KDM2A: variants seen among roughly 807,000 people sequenced by gnomAD.
The protein encoded by KDM2A is lysine-specific demethylase 2A.
A neutral mutation model predicts 137.3 loss-of-function variants in KDM2A; 3 were observed. The ratio of observed to expected loss-of-function variants is 0.02; its 90% CI spans 0.01 to 0.06. The LOEUF (loss-of-function observed/expected upper bound fraction) is 0.06. KDM2A is among the 10% of genes least tolerant of loss of function. The pLI, the probability that KDM2A is intolerant of heterozygous loss-of-function variation, is 1.00. For missense variants in KDM2A, 738 were observed against 1,510.6 expected (o/e 0.49, Z 8.48); for synonymous variants, 512 against 541.5 (o/e 0.95, Z 0.76).
chr11:67,176,924 AAC>A (rs1856983114), intron 2 of KDM2A, among the ~76,000 whole-genome samples: 1 of 152,142 alleles, frequency 6.6e-6, no homozygotes, highest in South Asian at 2.1e-4. Context: ...AGATTTTATG[AAC>A]AGTGTTTTAT....
intron 2 of KDM2A, among the ~76,000 whole-genome samples, chr11:67,155,709 C>T (rs959750800): frequency 6.6e-6 from 1 of 151,104 alleles, no homozygotes; most frequent in South Asian, 2.1e-4. Flanking sequence ...CTCTGTCTCC[C>T]GGGTTCAAGC....
chr11:67,181,175 GC>G, intron 3 of KDM2A, 144 bp from the exon 4 acceptor site: 1 of 458,932 alleles, frequency 2.2e-6, no homozygotes, highest in Non-Finnish European at 3.8e-6. Flanking sequence ...TTCTTACTAA[GC>G]ATATATTTTA....
At chr11:67,137,807 C>CT (rs1284946655) in intron 2 of KDM2A, among the ~76,000 whole-genome samples, 2 of 151,846 alleles carry the variant, frequency 1.3e-5, no homozygotes, top group Admixed American at 1.3e-4. Context: ...ATGATTGGGT[C>CT]TTTTTTTGAG....
chr11:67,153,301 A>T (rs1007705755), intron 2 of KDM2A, among the ~76,000 whole-genome samples: 1 of 152,028 alleles, frequency 6.6e-6, no homozygotes, highest in East Asian at 1.9e-4. Flanking sequence ...CTTAATATGC[A>T]TGTTTACAAG....
At chr11:67,229,489 T>C (rs1401687057) in intron 11 of KDM2A, among the ~76,000 whole-genome samples, 1 of 152,250 alleles carries the variant, frequency 6.6e-6, no homozygotes, top group African/African-American at 2.4e-5. Flanking sequence ...CATGTTCTTA[T>C]GGAATCTTTA....
chr11:67,208,194 C>T lies in KDM2A; in HGVS notation c.486+506C>T, dbSNP rs368429388. On this transcript the variant is annotated intron_variant, in intron 6 of 20. Transcript: ENST00000529006. ...TTTTGATAAGAATAACTGCATTTTC[C>T]GAAATCATAATAAATTTTAAAATTT... is the stretch of plus-strand genomic sequence containing the variant. Among the ~76,000 whole-genome samples the T allele has an allele frequency of 3.0e-4, 46 of 151,218 alleles. No individual in the cohort carries two copies. The East Asian group carries it at 4.6e-3, about 15-fold the overall frequency.
chr11:67,120,266 G>T (rs974017398), intron 1 of KDM2A, among the ~76,000 whole-genome samples: 1 of 152,162 alleles, frequency 6.6e-6, no homozygotes, highest in African/African-American at 2.4e-5. Context: ...TTTCCCTCCC[G>T]ACTTCGGGCC....
At chr11:67,122,100 A>G (rs754123806) in intron 2 of KDM2A, among the ~76,000 whole-genome samples, 9 of 152,212 alleles carry the variant, frequency 5.9e-5, no homozygotes, top group Non-Finnish European at 1.2e-4. Context: ...GTCTCACAGT[A>G]TTAATAAAAA....
chr11:67,138,904 A>C (rs1326113244), intron 2 of KDM2A, among the ~76,000 whole-genome samples: 2 of 152,232 alleles, frequency 1.3e-5, no homozygotes, highest in African/African-American at 4.8e-5. Context: ...TGGAAACAAA[A>C]AATTAACTAG....
intron 2 of KDM2A, among the ~76,000 whole-genome samples, chr11:67,152,903 AGAGTGTGT>A (rs1216476830): frequency 2.7e-4 from 30 of 111,318 alleles, no homozygotes; most frequent in African/African-American, 9.6e-4. Context: ...TTACAGTGCC[AGAGTGTGT>A]GTGTGTGTGT....
chr11:67,142,196 C>T (rs1421869166), intron 2 of KDM2A, among the ~76,000 whole-genome samples: 1 of 151,720 alleles, frequency 6.6e-6, no homozygotes, highest in Non-Finnish European at 1.5e-5. Flanking sequence ...ATCACCACGC[C>T]CGGCTAATTT....
intron 5 of KDM2A, among the ~76,000 whole-genome samples, chr11:67,205,300 TA>T (rs551284748): frequency 1.2e-3 from 185 of 152,294 alleles, no homozygotes; most frequent in African/African-American, 4.1e-3. Context: ...CATTATTAGT[TA>T]TGTTTTACTA....
At chr11:67,125,014 C>T (rs1322606812) in intron 2 of KDM2A, among the ~76,000 whole-genome samples, 5 of 151,594 alleles carry the variant, frequency 3.3e-5, no homozygotes, top group Non-Finnish European at 4.4e-5. Context: ...CCCGCCGCCA[C>T]ACCCGGCTAA....
At position 67,254,624 on chromosome 11, in the gene KDM2A, T is replaced by G. The variant is rs1432024030; in HGVS notation, c.3307+206T>G. On this transcript the variant is annotated intron_variant, in intron 20 of 20. Coordinates refer to ENST00000529006, the MANE Select transcript of KDM2A (RefSeq NM_012308.3). The surrounding 1 kb of genome is among the most constrained non-coding windows in gnomAD (Gnocchi z 4.7). ...TGAGTAGTTAAGTCGGTTGCCTGTC[T>G]GCGCAGCCAACATCCAGCTGGAGTT... 3.1e-5 allele frequency: 20 copies of G among 638,408 alleles called. No homozygotes were observed. In the South Asian group the frequency reaches 3.4e-4, roughly 11 times the overall value. The allele number at this position is 638,408 out of a possible 1,614,324, so 39.5% of individuals were successfully genotyped here. A position where few individuals can be genotyped will look rare whatever the true frequency, so the allele number is the denominator to read the frequency against.
At chr11:67,157,596 T>C (rs1856546827) in intron 2 of KDM2A, among the ~76,000 whole-genome samples, 1 of 151,446 alleles carries the variant, frequency 6.6e-6, no homozygotes, top group Non-Finnish European at 1.5e-5. Context: ...AATACAAAAA[T>C]TAGCCAGACA....
At chr11:67,244,891 C>A (rs1859158389) in intron 13 of KDM2A, among the ~76,000 whole-genome samples, 1 of 150,642 alleles carries the variant, frequency 6.6e-6, no homozygotes, top group Non-Finnish European at 1.5e-5. Context: ...GAGGCTGAGG[C>A]AGGAGAATGG....
rs772640142 is a variant in KDM2A, at chr11:67,137,998, ATGT to A, written c.42+16643_42+16645del. On this transcript the variant is annotated intron_variant, in intron 2 of 20. Coordinates refer to ENST00000529006, the MANE Select transcript of KDM2A (RefSeq NM_012308.3). Reference sequence around the variant, plus strand: ...ATTTTAGTAGAGACGGGGTTTCACCATGTTGGCCAGGATAATCTCTATCTCCTG... The same window carrying A: ...ATTTTAGTAGAGACGGGGTTTCACCATGGCCAGGATAATCTCTATCTCCTG... Among the ~76,000 whole-genome samples, 82 of 152,116 alleles carry A rather than the reference ATGT, an allele frequency of 5.4e-4. 1 individual carries two copies. Among genetic ancestry groups the A allele is most frequent in the Non-Finnish European group, 1.9e-4 (13 of 68,018 alleles).
At chr11:67,233,469 T>C (rs1269603403) in intron 12 of KDM2A, among the ~76,000 whole-genome samples, 1 of 108,160 alleles carries the variant, frequency 9.2e-6, no homozygotes, top group Non-Finnish European at 1.8e-5. Context: ...CTGGCCAAGA[T>C]GGTAAAACCC....
At chr11:67,235,341 T>A (rs1858839387) in intron 12 of KDM2A, among the ~76,000 whole-genome samples, 1 of 150,790 alleles carries the variant, frequency 6.6e-6, no homozygotes, top group African/African-American at 2.4e-5. Flanking sequence ...TTTCACTGTT[T>A]TTGCCCAGGC....
Sources: gnomAD v4.1 joint callset for allele counts (sites outside exome capture counted in the v4.1 genomes callset) on GRCh38, gnomAD v4.1.1 for gene constraint, Gnocchi (gnomAD v3.1) non-coding constraint, MANE v1.5 for transcripts, NCBI Gene and HGNC (gene_info 2026-07-23, HGNC 2026-07-21) for gene names.